The following ZNF34 variants were observed in gnomAD, a reference collection of about 807,000 sequenced individuals.
The protein encoded by ZNF34 is zinc finger protein 34.
A neutral mutation model predicts 14.4 loss-of-function variants in ZNF34; 8 were observed. The observed-to-expected ratio is 0.55, with a 90% CI of 0.33 to 1.00. The LOEUF is 1.00. Among genes scored for constraint, ZNF34 ranks in the 50% least tolerant of loss-of-function variants. The pLI is 0.03. For synonymous variants in ZNF34, 235 were observed against 247.9 expected, an observed-to-expected ratio of 0.95 and a Z score of 0.49; for missense variants, 538 against 674.2, an observed-to-expected ratio of 0.80 and a Z score of 2.24.
chr8:144,773,521 C>T lies in ZNF34; in HGVS notation c.1365G>A (p.Lys455=). The change falls in exon 6 of 6, where the codon AAG becomes AAA. Residue 455 remains lysine (K), a synonymous_variant. Transcript: ENST00000429371. This position sits in a 1 kb window ranked among gnomAD's most constrained non-coding sequence, Gnocchi z 5.4. ...QRIHTGEKPY[K]CSECGKAFHN... ...GGAAGGCCTTCCCACACTCGCTGCA[C>T]TTGTAGGGCTTCTCTCCTGTGTGGA... is the stretch of plus-strand genomic sequence containing the variant. 1 of 1,614,164 alleles carries T rather than the reference C, an allele frequency of 6.2e-7. No homozygotes were observed. The highest frequency in any genetic ancestry group is 8.5e-7 in the Non-Finnish European group (1 of 1,180,028).
intron 2 of ZNF34, 39 bp from the exon 3 acceptor site, chr8:144,778,564 G>A (rs1264285583): frequency 1.4e-6 from 2 of 1,474,272 alleles, no homozygotes; most frequent in East Asian, 5.0e-5. Flanking sequence ...GCCCAGTCTG[G>A]CCCCTTCTTC....
rs1825624140 is a variant in ZNF34, at chr8:144,777,889, T to C, written c.160+149A>G. ...TGACTCAGGAAGGTCCCAGCACTGC[T>C]CTTCCCCTCATCTTCTCAGATCAGG... On this transcript the variant is annotated intron_variant, in intron 4 of 5. Coordinates refer to ENST00000429371, the MANE Select transcript of ZNF34 (RefSeq NM_001286769.2). This position sits in a 1 kb window ranked among gnomAD's most constrained non-coding sequence, Gnocchi z 4.8. 2 of 1,242,862 alleles carry C rather than the reference T, an allele frequency of 1.6e-6. No individual in the cohort carries two copies. Among genetic ancestry groups the C allele is most frequent in the Non-Finnish European group, 2.2e-6 (2 of 895,546 alleles). The allele number at this position is 1,242,862 out of a possible 1,614,324, so 77.0% of individuals were successfully genotyped here.
intron 1 of ZNF34, among the ~76,000 whole-genome samples, chr8:144,781,134 C>CAAATAAGTAAAT (rs1825852694): frequency 7.1e-6 from 1 of 140,312 alleles, no homozygotes. Flanking sequence ...GACTCCATCT[C>CAAATAAGTAAAT]AAATAAATAA....
chr8:144,780,385 CT>C, intron 1 of ZNF34, 105 bp from the exon 2 acceptor site: 1 of 859,142 alleles, frequency 1.2e-6, no homozygotes, highest in Non-Finnish European at 1.8e-6. Flanking sequence ...ATCTTTAAAG[CT>C]TTTTATTTAA....
Position 144,773,832 on chromosome 8 carries a change from T to C in ZNF34, c.1054A>G (p.Ser352Gly). 2 of 1,614,170 alleles carry C rather than the reference T, an allele frequency of 1.2e-6. No homozygotes were observed. Among genetic ancestry groups the C allele is most frequent in the Non-Finnish European group, 1.7e-6 (2 of 1,180,008 alleles). ...TGTCGGATAAGGATTGAGCCATCAC[T>C]GAAGGCTTTCCCGCAGTCATTACAT... ...YKCNDCGKAF[S>G]DGSILIRHRR... is the part of the protein sequence containing the mutation. The change falls in exon 6 of 6, where the codon AGT (serine) becomes GGT (glycine). Residue 352 changes from serine (S) to glycine (G), a missense_variant. By Grantham distance (56) the Ser-to-Gly change is moderately conservative. This residue lies in a region of ZNF34 where 431 missense variants were observed against 525.7 expected (regional missense o/e 0.82). Coordinates refer to ENST00000429371, the MANE Select transcript of ZNF34 (RefSeq NM_001286769.2). The surrounding 1 kb of genome is among the most constrained non-coding windows in gnomAD (Gnocchi z 5.4).
At position 144,780,373 on chromosome 8, in the gene ZNF34, G is replaced by A. The variant is rs1224432998; in HGVS notation, c.-107-93C>T. 1.7e-5 allele frequency: 16 copies of A among 964,004 alleles called. No homozygotes were observed. In the Admixed American group the frequency reaches 3.9e-4, roughly 23 times the overall value. 59.7% of individuals were successfully genotyped at this position (964,004 alleles called of 1,614,324 possible). A position where few individuals can be genotyped will look rare whatever the true frequency, so the allele number is the denominator to read the frequency against. ...GCTGTGGTAGCTATATATCTTTTCT[G>A]TATCTTTAAAGCTTTTTATTTAAGT... On this transcript the variant is annotated intron_variant, in intron 1 of 5. Transcript: ENST00000429371.
At chr8:144,785,478 T>A (rs1826171659) in intron 1 of ZNF34, 2 of 152,240 alleles carry the variant, frequency 1.3e-5, no homozygotes, top group Admixed American at 1.3e-4. Context: ...GTGAATCAGC[T>A]CAGGTGGGAA....
At chr8:144,783,946 C>T (rs1212631975) in intron 1 of ZNF34, among the ~76,000 whole-genome samples, 2 of 152,138 alleles carry the variant, frequency 1.3e-5, no homozygotes, top group African/African-American at 2.4e-5. Context: ...GGGAGGATCA[C>T]GAGGTCAGAT....
At position 144,774,119 on chromosome 8, in the gene ZNF34, T is replaced by C. The variant is rs1825344860; in HGVS notation, c.767A>G (p.Lys256Arg). ...CCCACACTCATCACATTTGTAGGGC[T>C]TCTCTTCAGTGTGAAGCCGCTGATG... ...VKHQRLHTEE[K>R]PYKCDECGKA... The change falls in exon 6 of 6, where the codon AAG (lysine) becomes AGG (arginine). Residue 256 changes from lysine (K) to arginine (R), a missense_variant. By Grantham distance (26) the Lys-to-Arg change is conservative. Transcript: ENST00000429371. The C allele has an allele frequency of 6.2e-7, 1 of 1,613,992 alleles. No homozygotes were observed. Among genetic ancestry groups the C allele is most frequent in the Admixed American group, 1.7e-5 (1 of 59,990 alleles).
chr8:144,778,799 C>A (rs1183828173), intron 2 of ZNF34, among the ~76,000 whole-genome samples: 1 of 151,850 alleles, frequency 6.6e-6, no homozygotes, highest in Non-Finnish European at 1.5e-5. Flanking sequence ...GTGGCGTGAT[C>A]TCGGCTCACT....
At position 144,778,087 on chromosome 8, in the gene ZNF34, G is replaced by A; in HGVS notation, c.111C>T (p.Gly37=). 1 of 1,614,010 alleles carries A rather than the reference G, an allele frequency of 6.2e-7. No homozygotes were observed. The highest frequency in any genetic ancestry group is 8.5e-7 in the Non-Finnish European group (1 of 1,179,948). Residue 37 remains glycine (G), a synonymous_variant, in exon 4 of 6, where the codon GGC becomes GGT. Coordinates refer to ENST00000429371, the MANE Select transcript of ZNF34 (RefSeq NM_001286769.2). The part of the protein sequence containing the change: ...EWGRLGPAQR[G]LYRDVMLETY... ...TCTCCAGCATCACGTCCCTGTAGAG[G>A]CCCCTCTGAGCAGGGCCCAGGCGGC...
rs774000918 is a variant in ZNF34 at position 144,773,914 on chromosome 8, G to A, written c.972C>T (p.Ser324=). 8.1e-6 allele frequency: 13 copies of A among 1,613,742 alleles called. No individual in the cohort carries two copies. The highest frequency in any genetic ancestry group is 5.3e-5 in the African/African-American group (4 of 74,828). Residue 324 remains serine (S), a synonymous_variant, in exon 6 of 6, where the codon AGC becomes AGT. Coordinates refer to ENST00000429371, the MANE Select transcript of ZNF34 (RefSeq NM_001286769.2). This position sits in a 1 kb window ranked among gnomAD's most constrained non-coding sequence, Gnocchi z 5.4. The part of the protein sequence containing the change: ...YKCGECGKHF[S]AYSSLIYHQR... ...GGTGATAAATCAGGGAAGAGTAGGCGCTAAAGTGCTTCCCACACTCCCCAC... is the reference window on the plus strand; with the variant it reads ...GGTGATAAATCAGGGAAGAGTAGGCACTAAAGTGCTTCCCACACTCCCCAC...
chr8:144,780,862 C>T (rs985676677), intron 1 of ZNF34, among the ~76,000 whole-genome samples: 10 of 149,158 alleles, frequency 6.7e-5, no homozygotes, highest in African/African-American at 2.2e-4. Context: ...ACTGGCCAGG[C>T]GTGGTTGCTC....
chr8:144,786,564 G>C (rs931604292), intron 1 of ZNF34, among the ~76,000 whole-genome samples: 2 of 151,744 alleles, frequency 1.3e-5, no homozygotes, highest in African/African-American at 4.8e-5. Context: ...AACTCGGGAG[G>C]CGGAAGGTGC....
At position 144,773,994 on chromosome 8, in the gene ZNF34, TC is replaced by T; in HGVS notation, c.891del (p.Arg298GlyfsTer5). The T allele has an allele frequency of 6.2e-7, 1 of 1,614,138 alleles. No individual in the cohort carries two copies. The highest frequency in any genetic ancestry group is 8.5e-7 in the Non-Finnish European group (1 of 1,180,022). On this transcript the variant is annotated frameshift_variant, in exon 6 of 6. Transcript: ENST00000429371. LOFTEE classifies it low-confidence loss of function (END_TRUNC). The surrounding 1 kb of genome is among the most constrained non-coding windows in gnomAD (Gnocchi z 5.4). ...CTCTGGTGCTTCATGAGGTTGGGCC[TC>T]CGGGTGAATGTCTTCCCACACTCGT... is the stretch of plus-strand genomic sequence containing the variant. ...RCDECGKTFT[R>X]RPNLMKHQRI...
chr8:144,778,342 C>T (rs1825660552), intron 3 of ZNF34, 97 bp downstream of exon 3: 1 of 1,387,008 alleles, frequency 7.2e-7, no homozygotes, highest in Non-Finnish European at 9.7e-7. Context: ...CCACCCCTAC[C>T]ATCATGTCAG....
intron 1 of ZNF34, among the ~76,000 whole-genome samples, 196 bp from the exon 2 acceptor site, chr8:144,780,476 C>G (rs1204941659): frequency 6.6e-6 from 1 of 152,164 alleles, no homozygotes; most frequent in Non-Finnish European, 1.5e-5. Flanking sequence ...GCCCATGGAA[C>G]CAGCACCACA....
intron 5 of ZNF34, among the ~76,000 whole-genome samples, chr8:144,775,310 G>A (rs1056247280): frequency 1.6e-4 from 24 of 152,348 alleles, no homozygotes; most frequent in African/African-American, 5.5e-4. Context: ...TGCTTTGGAG[G>A]ACGGCTTGGC....
rs773715784 is a variant in ZNF34 at position 144,778,057 on chromosome 8, G to A, written c.141C>T (p.Tyr47=). Residue 47 remains tyrosine (Y), a synonymous_variant, in exon 4 of 6, where the codon TAC becomes TAT. Coordinates refer to ENST00000429371, the MANE Select transcript of ZNF34 (RefSeq NM_001286769.2). ...GLYRDVMLET[Y]GNLVSLGVGP... ...CCTTACCCAGTGAGACTAGGTTCCCGTAGGTCTCCAGCATCACGTCCCTGT... is the reference window on the plus strand; with the variant it reads ...CCTTACCCAGTGAGACTAGGTTCCCATAGGTCTCCAGCATCACGTCCCTGT... 20 of 1,613,902 alleles carry A rather than the reference G, an allele frequency of 1.2e-5. No individual in the cohort carries two copies. The highest frequency in any genetic ancestry group is 2.7e-5 in the African/African-American group (2 of 74,908).
Sources: gnomAD v4.1 joint callset for allele counts (sites outside exome capture counted in the v4.1 genomes callset) on GRCh38, gnomAD v4.1.1 for gene constraint, gnomAD v4.1.1 regional missense constraint, Gnocchi (gnomAD v3.1) non-coding constraint, MANE v1.5 for transcripts, NCBI Gene and HGNC (gene_info 2026-07-23, HGNC 2026-07-21) for gene names.